Variants in SEMA3E observed in about 807,000 individuals in gnomAD.
SEMA3E encodes the protein semaphorin 3E.
Under a neutral mutation model 93.6 loss-of-function variants are expected in SEMA3E, and 49 were observed. The ratio of observed to expected loss-of-function variants is 0.52; its 90% CI spans 0.42 to 0.66. SEMA3E has a LOEUF of 0.66. Ranked by LOEUF, SEMA3E falls within the 30% of genes least tolerant of loss-of-function variation. The pLI is 0.00. For synonymous variants in SEMA3E, 363 were observed against 330.7 expected (o/e 1.10, Z -1.06); for missense variants, 906 against 964.8 (o/e 0.94, Z 0.81).
chr7:83,629,642 C>T (rs190111825), intron 1 of SEMA3E, among the ~76,000 whole-genome samples: 1 of 152,142 alleles, frequency 6.6e-6, no homozygotes, highest in South Asian at 2.1e-4. Flanking sequence ...GCCCCTCCCC[C>T]CAAGCTTGAG....
chr7:83,429,364 G>A (rs1056824935), intron 4 of SEMA3E, among the ~76,000 whole-genome samples: 5 of 152,020 alleles, frequency 3.3e-5, no homozygotes, highest in African/African-American at 1.2e-4. Flanking sequence ...CTCACCCTAA[G>A]TGACCTAACT....
chr7:83,625,166 C>T (rs1283717921), intron 1 of SEMA3E, among the ~76,000 whole-genome samples: 1 of 152,142 alleles, frequency 6.6e-6, no homozygotes, highest in Non-Finnish European at 1.5e-5. Flanking sequence ...CGTGATGCCT[C>T]CAGCTTTGTT....
intron 1 of SEMA3E, among the ~76,000 whole-genome samples, chr7:83,537,797 T>C (rs975690028): frequency 3.9e-5 from 6 of 152,132 alleles, no homozygotes; most frequent in Non-Finnish European, 7.4e-5. Context: ...TATTGGGACA[T>C]TTCCATCACC....
At position 83,363,486 on chromosome 7, in the gene SEMA3E, A is replaced by C. The variant is rs1584191702; in HGVS notation, c.*4100T>G. The stretch of plus-strand genomic sequence containing the variant: ...AAAAGGATACCATACAGAGAAGAAC[A>C]CTCCCATATAGTGCTCTAGCTTATA... On this transcript the variant is annotated 3_prime_UTR_variant, in exon 17 of 17. Coordinates refer to ENST00000643230, the MANE Select transcript of SEMA3E (RefSeq NM_012431.3). 1 of 152,012 alleles carries C rather than the reference A, an allele frequency of 6.6e-6. No individual in the cohort carries two copies. Among genetic ancestry groups the C allele is most frequent in the African/African-American group, 2.4e-5 (1 of 41,394 alleles). 9.4% of individuals were successfully genotyped at this position (152,012 alleles called of 1,614,324 possible). A position where few individuals can be genotyped will look rare whatever the true frequency, so the allele number is the denominator to read the frequency against.
intron 1 of SEMA3E, among the ~76,000 whole-genome samples, chr7:83,599,935 GC>G (rs1258890761): frequency 1.3e-5 from 2 of 152,090 alleles, no homozygotes; most frequent in East Asian, 3.9e-4. Context: ...TTTTGAATGG[GC>G]CTTTTCTACA....
intron 4 of SEMA3E, among the ~76,000 whole-genome samples, chr7:83,452,754 C>T (rs1789391287): frequency 6.6e-6 from 1 of 152,136 alleles, no homozygotes. Context: ...AAGGAACAAT[C>T]CCTCTATTCT....
chr7:83,555,667 C>T (rs1023039575), intron 1 of SEMA3E, among the ~76,000 whole-genome samples: 1 of 152,156 alleles, frequency 6.6e-6, no homozygotes, highest in Non-Finnish European at 1.5e-5. Context: ...AAAAAGGTAC[C>T]TAGAAATGCT....
At chr7:83,426,670 A>G (rs1056368398) in intron 4 of SEMA3E, among the ~76,000 whole-genome samples, 4 of 152,170 alleles carry the variant, frequency 2.6e-5, no homozygotes, top group Non-Finnish European at 5.9e-5. Context: ...ACTCTAAAAC[A>G]AAAGCTGAAA....
intron 16 of SEMA3E, chr7:83,372,551 T>C (rs1794763129): frequency 3.3e-6 from 1 of 306,672 alleles, no homozygotes. Flanking sequence ...AAAAGCAGGG[T>C]TTAAAAAAAA....
Position 83,520,152 on chromosome 7 carries a change from A to G in SEMA3E, c.116-29878T>C, listed in dbSNP as rs145657276. ...TCTGTTCTCTGTAAACTTTAAAACGATTCTGCACCACAGATCTTGCATTCA... is the reference window on the plus strand; with the variant it reads ...TCTGTTCTCTGTAAACTTTAAAACGGTTCTGCACCACAGATCTTGCATTCA... On this transcript the variant is annotated intron_variant, in intron 1 of 16. Coordinates refer to ENST00000643230, the MANE Select transcript of SEMA3E (RefSeq NM_012431.3). Among the ~76,000 whole-genome samples, 572 of 152,286 alleles carry G rather than the reference A, an allele frequency of 3.8e-3. 3 individuals are homozygous for G. Among genetic ancestry groups the G allele is most frequent in the African/African-American group, 0.013 (543 of 41,564 alleles).
intron 4 of SEMA3E, among the ~76,000 whole-genome samples, chr7:83,460,241 G>A (rs1417316234): frequency 6.6e-6 from 1 of 152,068 alleles, no homozygotes; most frequent in Non-Finnish European, 1.5e-5. Flanking sequence ...ACCAGCCCAA[G>A]GAACATCTCA....
intron 4 of SEMA3E, among the ~76,000 whole-genome samples, chr7:83,427,800 C>G (rs1031670913): frequency 6.6e-5 from 10 of 152,134 alleles, no homozygotes; most frequent in African/African-American, 2.4e-4. Context: ...GACCCCAAAG[C>G]AATCGCCTTT....
chr7:83,444,827 C>T (rs1204209131), intron 4 of SEMA3E, among the ~76,000 whole-genome samples: 2 of 152,016 alleles, frequency 1.3e-5, no homozygotes, highest in African/African-American at 2.4e-5. Context: ...CACATCACCA[C>T]TCCTGGCTAA....
chr7:83,446,107 G>A (rs924712264), intron 4 of SEMA3E, among the ~76,000 whole-genome samples: 3 of 152,168 alleles, frequency 2.0e-5, no homozygotes, highest in Non-Finnish European at 4.4e-5. Flanking sequence ...GAAGCTCAAC[G>A]TGGATATTGA....
chr7:83,435,413 G>A (rs998717340), intron 4 of SEMA3E, among the ~76,000 whole-genome samples: 11 of 151,990 alleles, frequency 7.2e-5, no homozygotes, highest in Non-Finnish European at 1.3e-4. Context: ...GGCCAACATG[G>A]TGAAATCCTG....
intron 14 of SEMA3E, among the ~76,000 whole-genome samples, chr7:83,388,133 A>T (rs1430649801): frequency 6.8e-6 from 1 of 148,070 alleles, no homozygotes; most frequent in African/African-American, 2.5e-5. Flanking sequence ...ACATGGTGAA[A>T]CCCCGTGTCT....
chr7:83,526,822 T>C (rs748970149), intron 1 of SEMA3E, among the ~76,000 whole-genome samples: 8 of 152,180 alleles, frequency 5.3e-5, no homozygotes, highest in Non-Finnish European at 1.0e-4. Flanking sequence ...AACTGAATTT[T>C]TAATCAACCA....
Position 83,391,607 on chromosome 7 carries a change from T to A in SEMA3E, c.1667+948A>T, listed in dbSNP as rs534243501. ...CTATCCACTTATTATATCATTTTTTTAAAATACTCACTGGAGTGTTAATTT... is the reference window on the plus strand; with the variant it reads ...CTATCCACTTATTATATCATTTTTTAAAAATACTCACTGGAGTGTTAATTT... On this transcript the variant is annotated intron_variant, in intron 14 of 16. Transcript: ENST00000643230. Among the ~76,000 whole-genome samples the A allele has an allele frequency of 3.3e-3, 500 of 151,978 alleles. 2 individuals are homozygous for A. The highest frequency in any genetic ancestry group is 5.3e-3 in the Non-Finnish European group (360 of 67,916).
At chr7:83,393,548 A>G (rs1788061739) in intron 13 of SEMA3E, among the ~76,000 whole-genome samples, 1 of 152,182 alleles carries the variant, frequency 6.6e-6, no homozygotes, top group African/African-American at 2.4e-5. Flanking sequence ...AAACAAATCT[A>G]TAGCAAAAAC....
Sources: gnomAD v4.1 joint callset for allele counts (sites outside exome capture counted in the v4.1 genomes callset) on GRCh38, gnomAD v4.1.1 for gene constraint, MANE v1.5 for transcripts, NCBI Gene and HGNC (gene_info 2026-07-23, HGNC 2026-07-21) for gene names.